CDC42BPB: variants seen among roughly 807,000 people sequenced by gnomAD.
The protein encoded by CDC42BPB is CDC42 binding protein kinase beta.
Under a neutral mutation model 214.9 loss-of-function variants are expected in CDC42BPB, and 37 were observed. The ratio of observed to expected loss-of-function variants is 0.17; its 90% confidence interval spans 0.13 to 0.23. The LOEUF (loss-of-function observed/expected upper bound fraction) is 0.23, where lower values mean the gene tolerates loss of function less well. Among genes scored for constraint, CDC42BPB ranks in the 10% least tolerant of loss-of-function variants. The probability of loss-of-function intolerance (pLI) is 1.00; values close to 1 mark genes in which losing one functional copy is unlikely to be tolerated. For synonymous variants in CDC42BPB, 931 were observed against 884.0 expected, an observed-to-expected ratio of 1.05 and a Z score of -0.94; for missense variants, 1,694 against 2,227.0, an observed-to-expected ratio of 0.76 and a Z score of 4.82.
intron 26 of CDC42BPB, chr14:102,948,034 T>C (rs1200782136): frequency 1.1e-6 from 1 of 915,042 alleles, no homozygotes; most frequent in East Asian, 1.2e-4. Context: ...CGGAGCCTCA[T>C]CCCCACTGTG....
chr14:102,949,144 T>C (rs1239023080), intron 26 of CDC42BPB, among the ~76,000 whole-genome samples: 4 of 152,220 alleles, frequency 2.6e-5, no homozygotes, highest in Non-Finnish European at 4.4e-5. Context: ...CGGGCTGAGC[T>C]AGGCCTCTTA....
chr14:102,987,666 GA>G (rs2139545215), intron 5 of CDC42BPB, among the ~76,000 whole-genome samples: 2 of 152,040 alleles, frequency 1.3e-5, no homozygotes, highest in East Asian at 3.9e-4. Context: ...CACAAAACCA[GA>G]AACAAAAACA....
chr14:103,040,265 G>C (rs1887911805), intron 1 of CDC42BPB, among the ~76,000 whole-genome samples: 2 of 151,900 alleles, frequency 1.3e-5, no homozygotes, highest in Non-Finnish European at 2.9e-5. Context: ...TGAGGCAGGA[G>C]AATCGCTTGG....
intron 22 of CDC42BPB, 73 bp from the exon 23 acceptor site, chr14:102,954,348 A>G: frequency 6.9e-7 from 1 of 1,442,852 alleles, no homozygotes; most frequent in Non-Finnish European, 9.2e-7. Context: ...TACGGGGTGC[A>G]CTTCTCTCAA....
rs1204720203 is a variant in CDC42BPB at position 102,932,752 on chromosome 14, G to A, written c.*960C>T. 1 of 152,552 alleles carries A rather than the reference G, an allele frequency of 6.6e-6. No individual in the cohort carries two copies. The highest frequency in any genetic ancestry group is 1.5e-5 in the Non-Finnish European group (1 of 68,100). 9.4% of individuals were successfully genotyped at this position (152,552 alleles called of 1,614,324 possible). ...CAACATCTGGTACAAAGGGTGAGGTGAAATCCACGCGCAGGGGATTGCTGT... is the reference window on the plus strand; with the variant it reads ...CAACATCTGGTACAAAGGGTGAGGTAAAATCCACGCGCAGGGGATTGCTGT... On this transcript the variant is annotated 3_prime_UTR_variant, in exon 37 of 37. Transcript: ENST00000361246.
intron 5 of CDC42BPB, among the ~76,000 whole-genome samples, chr14:102,991,727 T>C (rs1294688018): frequency 6.6e-6 from 1 of 152,248 alleles, no homozygotes; most frequent in African/African-American, 2.4e-5. Flanking sequence ...ATTAAAAGTA[T>C]ATGGGTGCTT....
At chr14:102,942,373 A>G (rs1891935192) in intron 30 of CDC42BPB, among the ~76,000 whole-genome samples, 1 of 152,212 alleles carries the variant, frequency 6.6e-6, no homozygotes. Context: ...CAAGGCTGAC[A>G]ATGGGGCAGA....
intron 16 of CDC42BPB, chr14:102,967,450 A>C: frequency 1.5e-6 from 1 of 647,484 alleles, no homozygotes; most frequent in Non-Finnish European, 1.9e-6. Context: ...GACCAAACAC[A>C]TGACTCCATT....
At chr14:103,028,543 C>T (rs951811626) in intron 1 of CDC42BPB, among the ~76,000 whole-genome samples, 4 of 152,310 alleles carry the variant, frequency 2.6e-5, no homozygotes, top group African/African-American at 9.6e-5. Flanking sequence ...ATGTGCTGGG[C>T]TTCCCCTTTC....
chr14:103,013,213 C>A (rs1421677931), intron 1 of CDC42BPB, among the ~76,000 whole-genome samples: 1 of 152,200 alleles, frequency 6.6e-6, no homozygotes, highest in Non-Finnish European at 1.5e-5. Flanking sequence ...CACCTGCCTG[C>A]ACGCAGGAGC....
intron 6 of CDC42BPB, among the ~76,000 whole-genome samples, chr14:102,985,174 T>C (rs1282718600): frequency 1.4e-5 from 2 of 146,348 alleles, no homozygotes; most frequent in Non-Finnish European, 3.0e-5. Flanking sequence ...CATGCTCTGG[T>C]TATACTGTGA....
chr14:103,002,608 G>A (rs142125941), intron 4 of CDC42BPB, among the ~76,000 whole-genome samples: 3 of 152,114 alleles, frequency 2.0e-5, no homozygotes, highest in African/African-American at 7.2e-5. Flanking sequence ...CACTGAGCAG[G>A]AAGCGGGGGG....
chr14:103,041,415 AC>A (rs1887985251), intron 1 of CDC42BPB: 3 of 704,804 alleles, frequency 4.3e-6, no homozygotes, highest in South Asian at 2.1e-5. Flanking sequence ...AGCAAAAAAA[AC>A]AACAAAAAAT....
intron 27 of CDC42BPB, 60 bp downstream of exon 27, chr14:102,947,661 G>A (rs1375129026): frequency 2.1e-6 from 3 of 1,409,754 alleles, no homozygotes; most frequent in Non-Finnish European, 2.0e-6. Flanking sequence ...ACAATGACAT[G>A]CCTAGAACAA....
At chr14:103,035,754 G>A (rs994236454) in intron 1 of CDC42BPB, among the ~76,000 whole-genome samples, 1 of 151,998 alleles carries the variant, frequency 6.6e-6, no homozygotes, top group Non-Finnish European at 1.5e-5. Context: ...GCAGGAGAAT[G>A]GCATGAACCC....
In CDC42BPB at chr14:102,944,599, T is replaced by A. The variant is rs747384760; in HGVS notation, c.3812-112A>T. On this transcript the variant is annotated intron_variant, in intron 29 of 36. Coordinates refer to ENST00000361246, the MANE Select transcript of CDC42BPB (RefSeq NM_006035.4). This position sits in a 1 kb window ranked among gnomAD's most constrained non-coding sequence, Gnocchi z 6.6. ...AACACTCTGGGGCCCTCCCCTGGGCTCCCTTCCTGTGTGCACAGCCTGAGC... is the reference window on the plus strand; with the variant it reads ...AACACTCTGGGGCCCTCCCCTGGGCACCCTTCCTGTGTGCACAGCCTGAGC... 1.8e-5 allele frequency: 26 copies of A among 1,479,388 alleles called. No homozygotes were observed. The highest frequency in any genetic ancestry group is 2.2e-5 in the Non-Finnish European group (25 of 1,117,058). 91.6% of individuals were successfully genotyped at this position (1,479,388 alleles called of 1,614,324 possible).
intron 1 of CDC42BPB, among the ~76,000 whole-genome samples, chr14:103,032,374 G>A (rs115643226): frequency 1.3e-3 from 194 of 151,592 alleles, no homozygotes; most frequent in African/African-American, 4.5e-3. Flanking sequence ...TTTTTACATC[G>A]ATTGAACCCC....
At position 102,938,071 on chromosome 14, in the gene CDC42BPB, A is replaced by G. The variant is rs1891718422; in HGVS notation, c.5004+33T>C. The stretch of plus-strand genomic sequence containing the variant: ...GCTTTTCCTCCTGCAGTGGTGGCTC[A>G]TAGCCTCAGCACTGGACCTGGGCAA... On this transcript the variant is annotated intron_variant, in intron 36 of 36. Coordinates refer to ENST00000361246, the MANE Select transcript of CDC42BPB (RefSeq NM_006035.4). 12 of 1,609,484 alleles carry G rather than the reference A, an allele frequency of 7.5e-6. No homozygotes were observed. The Admixed American group carries it at 1.5e-4, about 20-fold the overall frequency.
At chr14:103,034,635 A>G (rs1483730149) in intron 1 of CDC42BPB, among the ~76,000 whole-genome samples, 1 of 152,152 alleles carries the variant, frequency 6.6e-6, no homozygotes, top group Non-Finnish European at 1.5e-5. Flanking sequence ...CCTGGCCAAC[A>G]TGGGGAAACC....
Sources: allele counts gnomAD v4.1 joint callset (sites outside exome capture counted in the v4.1 genomes callset), GRCh38; gene constraint gnomAD v4.1.1; non-coding constraint Gnocchi (gnomAD v3.1); transcripts MANE v1.5; gene names NCBI Gene and HGNC (gene_info 2026-07-23, HGNC 2026-07-21).